The following IDE variants were observed in gnomAD, a reference collection of about 807,000 sequenced individuals.
IDE encodes the protein insulin-degrading enzyme.
IDE carries 58 observed loss-of-function variants against 133.2 expected under a neutral mutation model. The ratio of observed to expected loss-of-function variants is 0.44; its 90% confidence interval spans 0.35 to 0.54. The LOEUF is 0.54. Ranked by LOEUF, IDE falls within the 20% of genes least tolerant of loss-of-function variation. The pLI is 0.00. For missense variants in IDE, 981 were observed against 1,234.0 expected, an observed-to-expected ratio of 0.79 and a Z score of 3.07; for synonymous variants, 396 against 421.3, an observed-to-expected ratio of 0.94 and a Z score of 0.73.
chr10:92,528,426 T>C (rs1374503621), intron 4 of IDE, among the ~76,000 whole-genome samples: 2 of 151,310 alleles, frequency 1.3e-5, no homozygotes, highest in Admixed American at 6.6e-5. Flanking sequence ...TGTAATTAAA[T>C]GCATTTAAAG....
At chr10:92,465,585 C>A in intron 20 of IDE, 91 bp downstream of exon 20, 1 of 1,080,248 alleles carries the variant, frequency 9.3e-7, no homozygotes, top group South Asian at 1.4e-5. Flanking sequence ...GCCTGATATA[C>A]AGTGTTAGGT....
chr10:92,562,771 G>A (rs1199314877), intron 1 of IDE, among the ~76,000 whole-genome samples: 1 of 152,184 alleles, frequency 6.6e-6, no homozygotes, highest in Non-Finnish European at 1.5e-5. Context: ...AAAAAAGAAG[G>A]AAAATCAGGT....
intron 1 of IDE, among the ~76,000 whole-genome samples, chr10:92,563,659 A>C (rs1177815549): frequency 6.6e-6 from 1 of 151,964 alleles, no homozygotes; most frequent in Non-Finnish European, 1.5e-5. Flanking sequence ...GCTGAGGCAG[A>C]GAATCGCTTC....
At chr10:92,514,670 T>C (rs900549276) in intron 5 of IDE, among the ~76,000 whole-genome samples, 3 of 152,184 alleles carry the variant, frequency 2.0e-5, no homozygotes, top group African/African-American at 7.2e-5. Context: ...GCCTTGCTTT[T>C]ATATGCTTAG....
At chr10:92,457,656 C>T (rs1214572923) in intron 22 of IDE, among the ~76,000 whole-genome samples, 1 of 152,092 alleles carries the variant, frequency 6.6e-6, no homozygotes, top group Admixed American at 6.5e-5. Context: ...ATTCCTTAGC[C>T]ACAAGCAACG....
Position 92,495,216 on chromosome 10 carries a change from CTT to C in IDE, c.1431-4623_1431-4622del, listed in dbSNP as rs71028822. Among the ~76,000 whole-genome samples, 563 of 73,386 alleles carry C rather than the reference CTT, an allele frequency of 7.7e-3. 4 individuals are homozygous for C. Among genetic ancestry groups the C allele is most frequent in the African/African-American group, 9.5e-3 (161 of 16,970 alleles). 48.1% of individuals were successfully genotyped at this position (73,386 alleles called of 152,430 possible). A position where few individuals can be genotyped will look rare whatever the true frequency, so the allele number is the denominator to read the frequency against. On this transcript the variant is annotated intron_variant, in intron 11 of 24. Coordinates refer to ENST00000265986, the MANE Select transcript of IDE (RefSeq NM_004969.4). ...GTAGCTAGGATTACATCACACTCGG[CTT>C]TTTTTTTTTTTTTTTTTTTTAAGAT...
chr10:92,544,190 G>A (rs1187990866), intron 1 of IDE, among the ~76,000 whole-genome samples: 4 of 147,554 alleles, frequency 2.7e-5, no homozygotes, highest in Admixed American at 6.9e-5. Context: ...CCAAGATTGC[G>A]CCACTGCACT....
intron 4 of IDE, among the ~76,000 whole-genome samples, chr10:92,528,837 AAGGCTG>A (rs1472107052): frequency 3.9e-5 from 6 of 151,980 alleles, no homozygotes; most frequent in Non-Finnish European, 8.8e-5. Flanking sequence ...AGCACTTTGG[AAGGCTG>A]AGGCGGGCAG....
At chr10:92,466,616 CCTTTT>C (rs1434732317) in intron 19 of IDE, among the ~76,000 whole-genome samples, 1 of 135,654 alleles carries the variant, frequency 7.4e-6, no homozygotes, top group Admixed American at 7.5e-5. Flanking sequence ...CACGCCTGGC[CCTTTT>C]CTTTTTTTTT....
intron 1 of IDE, among the ~76,000 whole-genome samples, chr10:92,564,772 A>C (rs1219451166): frequency 1.4e-5 from 2 of 148,114 alleles, no homozygotes; most frequent in Non-Finnish European, 3.0e-5. Flanking sequence ...AGAAATATGT[A>C]AACAGTTGGG....
At chr10:92,507,226 A>G (rs2135534088) in intron 9 of IDE, among the ~76,000 whole-genome samples, 1 of 152,316 alleles carries the variant, frequency 6.6e-6, no homozygotes, top group Non-Finnish European at 1.5e-5. Context: ...TAAAGATCTG[A>G]AAACGACAGA....
intron 4 of IDE, among the ~76,000 whole-genome samples, chr10:92,525,027 G>A (rs566921440): frequency 6.6e-5 from 10 of 152,306 alleles, no homozygotes; most frequent in African/African-American, 2.4e-4. Context: ...TTGGGAGGCC[G>A]AGGTGGGTGG....
intron 4 of IDE, among the ~76,000 whole-genome samples, chr10:92,517,637 G>C (rs572505450): frequency 1.2e-4 from 18 of 152,094 alleles, no homozygotes; most frequent in Non-Finnish European, 2.4e-4. Flanking sequence ...GTTGGTTCCA[G>C]GTTCTTAATT....
chr10:92,466,987 C>G (rs1373770094), intron 19 of IDE, among the ~76,000 whole-genome samples: 1 of 151,850 alleles, frequency 6.6e-6, no homozygotes, highest in Non-Finnish European at 1.5e-5. Context: ...TGCCACTATA[C>G]TCCAGCCTGG....
At chr10:92,509,080 G>A (rs527602537) in intron 6 of IDE, among the ~76,000 whole-genome samples, 190 bp from the exon 7 acceptor site, 1 of 152,154 alleles carries the variant, frequency 6.6e-6, no homozygotes, top group African/African-American at 2.4e-5. Flanking sequence ...CATTACAGTC[G>A]GTATATAGTC....
chr10:92,506,771 GAA>G (rs1479971563), intron 9 of IDE, among the ~76,000 whole-genome samples: 1 of 152,074 alleles, frequency 6.6e-6, no homozygotes, highest in African/African-American at 2.4e-5. Context: ...AACTTTCAAT[GAA>G]AATAACAAAT....
At chr10:92,525,230 G>A (rs1475334322) in intron 4 of IDE, among the ~76,000 whole-genome samples, 2 of 152,202 alleles carry the variant, frequency 1.3e-5, no homozygotes, top group Non-Finnish European at 2.9e-5. Flanking sequence ...TCCAGCCTGG[G>A]CAACAGAGTG....
intron 11 of IDE, among the ~76,000 whole-genome samples, chr10:92,494,386 T>A (rs1390650855): frequency 6.6e-6 from 1 of 151,208 alleles, no homozygotes; most frequent in African/African-American, 2.4e-5. Context: ...TTTTTTTTTT[T>A]AATGTGGCTA....
intron 4 of IDE, among the ~76,000 whole-genome samples, chr10:92,524,966 T>A (rs1180232071): frequency 6.9e-6 from 1 of 145,668 alleles, no homozygotes; most frequent in Non-Finnish European, 1.5e-5. Flanking sequence ...TCAATAAACA[T>A]GATACATCAC....
Sources: gnomAD v4.1 joint callset for allele counts (sites outside exome capture counted in the v4.1 genomes callset) on GRCh38, gnomAD v4.1.1 for gene constraint, MANE v1.5 for transcripts, NCBI Gene and HGNC (gene_info 2026-07-23, HGNC 2026-07-21) for gene names.